IKZF2: variants seen among roughly 807,000 people sequenced by gnomAD.
IKZF2 encodes the protein IKAROS family zinc finger 2.
IKZF2 carries 15 observed loss-of-function variants against 49.2 expected under a neutral mutation model. That is an observed-to-expected ratio of 0.30 (90% CI 0.20 to 0.47). The LOEUF (loss-of-function observed/expected upper bound fraction) is 0.47, where lower values mean the gene tolerates loss of function less well. IKZF2 is among the 20% of genes least tolerant of loss of function. The pLI, the probability that IKZF2 is intolerant of heterozygous loss-of-function variation, is 1.00. For missense variants in IKZF2, 567 were observed against 664.6 expected (o/e 0.85, Z 1.61); for synonymous variants, 227 against 221.4 (o/e 1.03, Z -0.23).
Position 213,007,272 on chromosome 2 carries a change from A to T in IKZF2, c.*88T>A, listed in dbSNP as rs1695424466. ...ATTAAAAAAAATAAAAGGTATGTCA[A>T]CATTTGAGGAAAGGTGGGATTGTAA... On this transcript the variant is annotated 3_prime_UTR_variant, in exon 9 of 9. Transcript: ENST00000434687. The T allele has an allele frequency of 7.2e-6, 10 of 1,381,582 alleles. 1 individual carries two copies. In the East Asian group the frequency reaches 2.1e-4, roughly 29 times the overall value. The allele number at this position is 1,381,582 out of a possible 1,614,324, so 85.6% of individuals were successfully genotyped here. A position where few individuals can be genotyped will look rare whatever the true frequency, so the allele number is the denominator to read the frequency against.
intron 8 of IKZF2, among the ~76,000 whole-genome samples, chr2:213,011,990 A>AGG (rs1362842003): frequency 6.6e-6 from 1 of 152,050 alleles, no homozygotes; most frequent in Non-Finnish European, 1.5e-5. Context: ...AAGAAAAGAG[A>AGG]GGGAGAGACA....
intron 4 of IKZF2, among the ~76,000 whole-genome samples, chr2:213,069,889 A>C (rs1305722340): frequency 6.6e-6 from 1 of 152,084 alleles, no homozygotes; most frequent in Non-Finnish European, 1.5e-5. Flanking sequence ...TATCAGCTGA[A>C]TTAATTTTAT....
chr2:213,139,667 C>T (rs1452919156), intron 4 of IKZF2, among the ~76,000 whole-genome samples: 3 of 151,942 alleles, frequency 2.0e-5, no homozygotes, highest in Admixed American at 2.0e-4. Flanking sequence ...CCTTGAGATA[C>T]AGATCCACTC....
chr2:213,133,364 A>G (rs1346807317), intron 4 of IKZF2, among the ~76,000 whole-genome samples: 1 of 152,184 alleles, frequency 6.6e-6, no homozygotes, highest in Non-Finnish European at 1.5e-5. Flanking sequence ...TTTGACATAT[A>G]TTAGGTCCCA....
intron 6 of IKZF2, among the ~76,000 whole-genome samples, chr2:213,042,253 G>A (rs753549165): frequency 4.6e-5 from 7 of 152,016 alleles, no homozygotes; most frequent in Non-Finnish European, 8.8e-5. Context: ...TGTGGAGTTT[G>A]CTGCCTTAGT....
intron 4 of IKZF2, chr2:213,147,413 A>C (rs2061113758): frequency 3.7e-6 from 2 of 545,288 alleles, no homozygotes; most frequent in South Asian, 5.6e-5. Flanking sequence ...ACAACAAAAA[A>C]TCCAGTCATA....
chr2:213,137,219 G>C (rs886413558), intron 4 of IKZF2, among the ~76,000 whole-genome samples: 1 of 151,880 alleles, frequency 6.6e-6, no homozygotes, highest in Non-Finnish European at 1.5e-5. Flanking sequence ...TTCATGCTTC[G>C]AGAACTTAAA....
chr2:213,047,757 G>C (rs1700293966), intron 6 of IKZF2, among the ~76,000 whole-genome samples: 2 of 151,978 alleles, frequency 1.3e-5, no homozygotes, highest in Admixed American at 6.6e-5. Flanking sequence ...TGGAACTCAG[G>C]GGATTTACTG....
chr2:213,079,347 G>GA (rs1214102396), intron 4 of IKZF2, among the ~76,000 whole-genome samples: 1 of 151,134 alleles, frequency 6.6e-6, no homozygotes, highest in Admixed American at 6.6e-5. Flanking sequence ...CCACTGTACT[G>GA]AAGCCTAGGT....
chr2:213,036,231 G>C (rs1046789901), intron 6 of IKZF2, among the ~76,000 whole-genome samples: 1 of 151,964 alleles, frequency 6.6e-6, no homozygotes, highest in Non-Finnish European at 1.5e-5. Flanking sequence ...GAAAATAAAA[G>C]AAAAATAAGG....
At chr2:213,073,544 C>A (rs1702933468) in intron 4 of IKZF2, among the ~76,000 whole-genome samples, 1 of 152,150 alleles carries the variant, frequency 6.6e-6, no homozygotes, top group Non-Finnish European at 1.5e-5. Context: ...TAGCATGTTA[C>A]ACCTTTGAAA....
chr2:213,013,482 C>A (rs1246168056), intron 8 of IKZF2, among the ~76,000 whole-genome samples: 1 of 151,344 alleles, frequency 6.6e-6, no homozygotes, highest in Non-Finnish European at 1.5e-5. Flanking sequence ...TAGGCTGGAC[C>A]GTTTCTCTTC....
chr2:213,024,938 T>C (rs1046029447), intron 6 of IKZF2, among the ~76,000 whole-genome samples: 4 of 152,120 alleles, frequency 2.6e-5, no homozygotes, highest in Non-Finnish European at 2.9e-5. Flanking sequence ...TATATATTCA[T>C]ATAAAAGGAC....
intron 4 of IKZF2, among the ~76,000 whole-genome samples, chr2:213,132,132 A>G (rs1256745377): frequency 6.6e-6 from 1 of 152,162 alleles, no homozygotes; most frequent in Non-Finnish European, 1.5e-5. Context: ...ACTAAAACAC[A>G]GCATAGGAAA....
intron 4 of IKZF2, among the ~76,000 whole-genome samples, chr2:213,134,758 C>G (rs2060594513): frequency 6.6e-6 from 1 of 152,246 alleles, no homozygotes; most frequent in South Asian, 2.1e-4. Flanking sequence ...TTCCTCATCA[C>G]TTAAGCAGGC....
Position 213,060,143 on chromosome 2 carries a change from A to G in IKZF2, c.140-3044T>C, listed in dbSNP as rs981209228. On this transcript the variant is annotated intron_variant, in intron 4 of 8. Coordinates refer to ENST00000434687, the MANE Select transcript of IKZF2 (RefSeq NM_001387220.1). Reference sequence around the variant, plus strand: ...AATTAGGTTGAAATTCTAGAATAAAAGCAATTATTCTTTGAATCTTAACTA... The same window carrying G: ...AATTAGGTTGAAATTCTAGAATAAAGGCAATTATTCTTTGAATCTTAACTA... Among the ~76,000 whole-genome samples the G allele has an allele frequency of 2.0e-5, 3 of 151,456 alleles. No homozygotes were observed. In the East Asian group the frequency reaches 5.8e-4, roughly 29 times the overall value.
chr2:213,052,170 T>C (rs1375097619), intron 5 of IKZF2, among the ~76,000 whole-genome samples: 2 of 152,036 alleles, frequency 1.3e-5, no homozygotes, highest in Non-Finnish European at 2.9e-5. Flanking sequence ...AATAAGAAAT[T>C]ACTTCTGAAT....
At chr2:213,020,613 G>T (rs1398118463) in intron 7 of IKZF2, among the ~76,000 whole-genome samples, 4 of 151,978 alleles carry the variant, frequency 2.6e-5, no homozygotes, top group Non-Finnish European at 5.9e-5. Flanking sequence ...AAAAATAAAT[G>T]GACTTGATCA....
intron 4 of IKZF2, among the ~76,000 whole-genome samples, chr2:213,079,077 GAGA>G (rs1241263825): frequency 3.9e-5 from 6 of 152,110 alleles, no homozygotes; most frequent in Admixed American, 3.9e-4. Flanking sequence ...GGAGAAGGGG[GAGA>G]AGGTCTATAA....
Sources: gnomAD v4.1 joint callset for allele counts (sites outside exome capture counted in the v4.1 genomes callset) on GRCh38, gnomAD v4.1.1 for gene constraint, MANE v1.5 for transcripts, NCBI Gene and HGNC (gene_info 2026-07-23, HGNC 2026-07-21) for gene names.